Variants in ARHGAP12 observed in about 807,000 individuals in gnomAD.
ARHGAP12 encodes Rho GTPase activating protein 12, also known as rho GTPase-activating protein 12.
Under a neutral mutation model 108.6 loss-of-function variants are expected in ARHGAP12, and 64 were observed. The observed-to-expected ratio is 0.59, with a 90% CI of 0.48 to 0.73. The LOEUF (loss-of-function observed/expected upper bound fraction) is 0.73. ARHGAP12 is among the 30% of genes least tolerant of loss of function. The pLI is 0.00. For missense variants in ARHGAP12, 940 were observed against 1,005.9 expected, an observed-to-expected ratio of 0.93 and a Z score of 0.89; for synonymous variants, 312 against 337.2, an observed-to-expected ratio of 0.93 and a Z score of 0.82.
chr10:31,829,438 T>C (rs1835749572), intron 10 of ARHGAP12, among the ~76,000 whole-genome samples: 1 of 152,108 alleles, frequency 6.6e-6, no homozygotes, highest in South Asian at 2.1e-4. Flanking sequence ...ACCACTGAGA[T>C]GTACACTTAA....
chr10:31,859,621 C>A (rs905068527), intron 4 of ARHGAP12, among the ~76,000 whole-genome samples: 1 of 152,104 alleles, frequency 6.6e-6, no homozygotes, highest in Non-Finnish European at 1.5e-5. Context: ...TCACTCCCAT[C>A]TATTTACTAA....
At chr10:31,860,970 G>A (rs959933174) in intron 4 of ARHGAP12, among the ~76,000 whole-genome samples, 8 of 152,160 alleles carry the variant, frequency 5.3e-5, no homozygotes, top group Admixed American at 3.9e-4. Context: ...TGGGAGGATC[G>A]CTTAAGCCCA....
intron 3 of ARHGAP12, among the ~76,000 whole-genome samples, chr10:31,880,271 T>A (rs1274019954): frequency 6.6e-6 from 1 of 152,172 alleles, no homozygotes; most frequent in African/African-American, 2.4e-5. Context: ...TGAAAAAATG[T>A]AATGGTGCTC....
intron 3 of ARHGAP12, among the ~76,000 whole-genome samples, chr10:31,883,878 A>AT (rs1313499242): frequency 1.3e-5 from 2 of 151,582 alleles, no homozygotes; most frequent in East Asian, 1.9e-4. Context: ...TGCCCAGCTA[A>AT]TTTTTTTTGT....
intron 10 of ARHGAP12, 127 bp downstream of exon 10, chr10:31,831,612 G>C: frequency 1.8e-6 from 1 of 563,816 alleles, no homozygotes; most frequent in Non-Finnish European, 2.9e-6. Flanking sequence ...TTACATATAT[G>C]ATTACATAGA....
chr10:31,891,060 G>A (rs184273296), intron 3 of ARHGAP12, among the ~76,000 whole-genome samples: 147 of 152,256 alleles, frequency 9.7e-4, no homozygotes, highest in African/African-American at 3.4e-3. Flanking sequence ...TATTTAAATG[G>A]TTTTCAATTA....
intron 3 of ARHGAP12, among the ~76,000 whole-genome samples, chr10:31,876,546 C>CAA (rs57573841): frequency 0.22 from 30,651 of 136,392 alleles, 3,419 homozygotes; most frequent in East Asian, 0.4. Flanking sequence ...AAAAAACCAC[C>CAA]AAAAAAAAAA....
chr10:31,915,816 A>G (rs1362552974), intron 1 of ARHGAP12, among the ~76,000 whole-genome samples: 1 of 152,244 alleles, frequency 6.6e-6, no homozygotes, highest in East Asian at 1.9e-4. Flanking sequence ...CAAAAATCAG[A>G]TAAATTCTCT....
At chr10:31,914,985 A>T (rs1208397082) in intron 1 of ARHGAP12, among the ~76,000 whole-genome samples, 1 of 152,250 alleles carries the variant, frequency 6.6e-6, no homozygotes, top group Non-Finnish European at 1.5e-5. Context: ...GCCATTCGCA[A>T]CAACATGAAT....
intron 9 of ARHGAP12, among the ~76,000 whole-genome samples, chr10:31,836,492 A>G (rs1423052158): frequency 6.6e-6 from 1 of 152,210 alleles, no homozygotes; most frequent in African/African-American, 2.4e-5. Context: ...GAAAAAGTTA[A>G]CATGTTTAAA....
At position 31,882,471 on chromosome 10, in the gene ARHGAP12, T is replaced by C. The variant is rs143492771; in HGVS notation, c.685-20813A>G. Among the ~76,000 whole-genome samples the C allele has an allele frequency of 5.1e-3, 782 of 152,308 alleles. 4 individuals are homozygous for C. The highest frequency in any genetic ancestry group is 8.4e-3 in the Non-Finnish European group (569 of 68,014). ...GGGCCAATAAACTTTTATGTTACTT[T>C]GCTAATGCTGGAGAGTGGAACAAAA... is the stretch of plus-strand genomic sequence containing the variant. On this transcript the variant is annotated intron_variant, in intron 3 of 19. Coordinates refer to ENST00000344936, the MANE Select transcript of ARHGAP12 (RefSeq NM_018287.7).
At chr10:31,911,480 A>G (rs1180986911) in intron 1 of ARHGAP12, among the ~76,000 whole-genome samples, 2 of 123,610 alleles carry the variant, frequency 1.6e-5, no homozygotes, top group East Asian at 2.3e-4. Context: ...ACACTCTGCT[A>G]ATTTTTGTAT....
At chr10:31,808,102 T>C (rs1834884615) in intron 19 of ARHGAP12, among the ~76,000 whole-genome samples, 1 of 152,158 alleles carries the variant, frequency 6.6e-6, no homozygotes, top group African/African-American at 2.4e-5. Context: ...AAATAGAACA[T>C]TTAAGTATGA....
chr10:31,892,753 C>A (rs1838504990), intron 3 of ARHGAP12, among the ~76,000 whole-genome samples: 1 of 152,200 alleles, frequency 6.6e-6, no homozygotes, highest in African/African-American at 2.4e-5. Context: ...CCAAGCAGAT[C>A]TAATAGACAT....
rs1373594684 is a variant in ARHGAP12 at position 31,817,841 on chromosome 10, C to T, written c.1678G>A (p.Asp560Asn). The change falls in exon 13 of 20, where the codon GAC becomes AAC. Residue 560 changes from aspartate to asparagine, a missense_variant. Transcript: ENST00000344936. Reference protein sequence around the residue: ...GTELLIQSDNDTVINDWFKVL... With the variant: ...GTELLIQSDNNTVINDWFKVL... Reference sequence around the variant, plus strand: ...TTAAACCAATCATTAATAACAGTGTCATTGTCAGACTGAATTAGCAGTTCT... The same window carrying T: ...TTAAACCAATCATTAATAACAGTGTTATTGTCAGACTGAATTAGCAGTTCT... 2 of 1,612,100 alleles carry T rather than the reference C, an allele frequency of 1.2e-6. No homozygotes were observed. Among genetic ancestry groups the T allele is most frequent in the African/African-American group, 2.7e-5 (2 of 74,746 alleles).
rs1214124921 is a variant in ARHGAP12, at chr10:31,861,380, C to T, written c.948+15G>A. 3 of 1,584,538 alleles carry T rather than the reference C, an allele frequency of 1.9e-6. No individual in the cohort carries two copies. Among genetic ancestry groups the T allele is most frequent in the Non-Finnish European group, 2.6e-6 (3 of 1,169,916 alleles). On this transcript the variant is annotated intron_variant, in intron 4 of 19. Transcript: ENST00000344936. ...AAATCTGGTAACTTGCAGTTGATTC[C>T]TTAATTACTCATACCTCTTGATCCC...
intron 3 of ARHGAP12, among the ~76,000 whole-genome samples, chr10:31,888,259 T>C (rs1838262303): frequency 6.6e-6 from 1 of 152,162 alleles, no homozygotes; most frequent in South Asian, 2.1e-4. Flanking sequence ...AAACTACTAC[T>C]TCTCTGGGGG....
intron 4 of ARHGAP12, among the ~76,000 whole-genome samples, chr10:31,856,298 G>A (rs1836883298): frequency 1.3e-5 from 2 of 152,138 alleles, no homozygotes; most frequent in South Asian, 4.2e-4. Flanking sequence ...CTTCTTGAAG[G>A]CATTTGCCAG....
chr10:31,903,793 T>A (rs1468284907), intron 3 of ARHGAP12, among the ~76,000 whole-genome samples: 2 of 148,792 alleles, frequency 1.3e-5, no homozygotes, highest in Non-Finnish European at 3.0e-5. Flanking sequence ...AATTCGAAAA[T>A]GGGCAAAAGA....
Sources: gnomAD v4.1 joint callset for allele counts (sites outside exome capture counted in the v4.1 genomes callset) on GRCh38, gnomAD v4.1.1 for gene constraint, MANE v1.5 for transcripts, NCBI Gene and HGNC (gene_info 2026-07-23, HGNC 2026-07-21) for gene names.